The following DIAPH2 variants were observed in gnomAD, a reference collection of about 807,000 sequenced individuals.
DIAPH2 encodes the protein diaphanous related formin 2.
A neutral mutation model predicts 92.7 loss-of-function variants in DIAPH2; 35 were observed. That is an observed-to-expected ratio of 0.38 (90% CI 0.29 to 0.50). The LOEUF is 0.50. DIAPH2 is among the 20% of genes least tolerant of loss of function. DIAPH2 has a pLI of 0.94. For synonymous variants in DIAPH2, 301 were observed against 280.4 expected, an observed-to-expected ratio of 1.07 and a Z score of -0.73; for missense variants, 701 against 819.5, an observed-to-expected ratio of 0.86 and a Z score of 1.77.
At chrX:97,313,271 T>C (rs2068812571) in intron 23 of DIAPH2, among the ~76,000 whole-genome samples, 2 of 112,125 alleles carry the variant, frequency 1.8e-5, no homozygotes, top group African/African-American at 6.5e-5. Flanking sequence ...TATGCACAAT[T>C]CATTGTAGAT....
At chrX:96,837,507 A>G (rs980190095) in intron 4 of DIAPH2, among the ~76,000 whole-genome samples, 5 of 107,590 alleles carry the variant, frequency 4.6e-5, no homozygotes, top group Non-Finnish European at 7.7e-5. Context: ...GGAAATAACT[A>G]CAAGATGAGA....
chrX:97,542,438 A>G (rs2071147146), intron 26 of DIAPH2, among the ~76,000 whole-genome samples: 1 of 112,322 alleles, frequency 8.9e-6, no homozygotes, highest in Non-Finnish European at 1.9e-5. Context: ...GAACTCAAGT[A>G]TATTATGGGT....
intron 1 of DIAPH2, 65 bp from the exon 2 acceptor site, chrX:96,735,693 G>T: frequency 1.7e-6 from 1 of 597,044 alleles, no homozygotes; most frequent in Non-Finnish European, 2.7e-6. Flanking sequence ...TTATTTTATT[G>T]TTTGATCTAT....
intron 22 of DIAPH2, among the ~76,000 whole-genome samples, chrX:97,206,529 T>C (rs1216572429): frequency 9.0e-6 from 1 of 111,465 alleles, no homozygotes; most frequent in Non-Finnish European, 1.9e-5. Flanking sequence ...TGGATACTTA[T>C]GTCATAGGAT....
chrX:96,957,917 G>A lies in DIAPH2; in HGVS notation c.1704G>A (p.Ala568=), dbSNP rs757187745. 17 of 1,206,846 alleles carry A rather than the reference G, an allele frequency of 1.4e-5. No individual in the cohort carries two copies. Among genetic ancestry groups the A allele is most frequent in the South Asian group, 5.3e-5 (3 of 56,488 alleles). The change falls in exon 16 of 27, where the codon GCG becomes GCA. Residue 568 remains alanine (A), a synonymous_variant. Coordinates refer to ENST00000324765, the MANE Select transcript of DIAPH2 (RefSeq NM_006729.5). ...TAGGGCCGCCTCCACCACCACCCGC[G>A]CCACCTCTACCCGGAGGAGCTCCTC... ...PGVGPPPPPP[A]PPLPGGAPLP... is the part of the protein sequence containing the mutation.
chrX:97,106,931 CA>C (rs1002640134), intron 20 of DIAPH2, among the ~76,000 whole-genome samples: 18 of 109,545 alleles, frequency 1.6e-4, no homozygotes, highest in African/African-American at 6.0e-4. Flanking sequence ...GACTCCATCT[CA>C]AAAAAAAAGA....
intron 25 of DIAPH2, among the ~76,000 whole-genome samples, chrX:97,412,258 A>G (rs1266131259): frequency 8.9e-6 from 1 of 111,889 alleles, no homozygotes; most frequent in Non-Finnish European, 1.9e-5. Context: ...CTCACTCAAA[A>G]CCACACAACT....
chrX:96,818,812 T>C, intron 4 of DIAPH2, among the ~76,000 whole-genome samples: 1 of 112,760 alleles, frequency 8.9e-6, no homozygotes, highest in South Asian at 3.7e-4. Context: ...TATAACAATG[T>C]TGTATAGCAA....
chrX:97,529,686 A>G (rs928407557), intron 26 of DIAPH2, among the ~76,000 whole-genome samples: 6 of 112,136 alleles, frequency 5.4e-5, no homozygotes, highest in Non-Finnish European at 3.8e-5. Flanking sequence ...CACATCCTAG[A>G]GCATTCTAAA....
intron 24 of DIAPH2, among the ~76,000 whole-genome samples, chrX:97,369,722 TCAAA>T (rs1353033701): frequency 9.0e-6 from 1 of 111,473 alleles, no homozygotes; most frequent in Non-Finnish European, 1.9e-5. Context: ...CAACAAATCA[TCAAA>T]CAATCACTTT....
intron 26 of DIAPH2, among the ~76,000 whole-genome samples, chrX:97,579,147 T>C (rs1224310211): frequency 9.0e-6 from 1 of 110,654 alleles, no homozygotes; most frequent in Non-Finnish European, 1.9e-5. Flanking sequence ...TGGTAGTTTC[T>C]TTTGCTGTGC....
intron 17 of DIAPH2, among the ~76,000 whole-genome samples, chrX:96,979,103 G>A (rs770505326): frequency 3.1e-4 from 35 of 111,670 alleles, no homozygotes; most frequent in African/African-American, 7.8e-4. Flanking sequence ...GCCTAATTTC[G>A]TCATTAATAA....
At chrX:96,751,263 G>A (rs1399609771) in intron 3 of DIAPH2, among the ~76,000 whole-genome samples, 1 of 111,214 alleles carries the variant, frequency 9.0e-6, no homozygotes, top group East Asian at 2.8e-4. Context: ...AAATGGTTTA[G>A]TATTTACAAA....
intron 15 of DIAPH2, among the ~76,000 whole-genome samples, chrX:96,957,441 G>A (rs1336028583): frequency 9.0e-6 from 1 of 111,684 alleles, no homozygotes; most frequent in Non-Finnish European, 1.9e-5. Context: ...TCTTCACATC[G>A]CAGTAGCAAG....
intron 21 of DIAPH2, among the ~76,000 whole-genome samples, chrX:97,121,008 GA>G (rs2067053984): frequency 8.9e-6 from 1 of 112,003 alleles, no homozygotes; most frequent in African/African-American, 3.2e-5. Flanking sequence ...ATCTACAAAA[GA>G]CCTTAGAAAA....
intron 23 of DIAPH2, among the ~76,000 whole-genome samples, chrX:97,347,559 C>T (rs150054648): frequency 0.015 from 1,620 of 111,073 alleles, 13 homozygotes; most frequent in Non-Finnish European, 0.024. Flanking sequence ...ATTTAGCAAA[C>T]ATTTTCTAAC....
intron 22 of DIAPH2, among the ~76,000 whole-genome samples, chrX:97,170,928 G>C (rs35741256): frequency 0.37 from 39,836 of 108,529 alleles, 6,132 homozygotes; most frequent in East Asian, 0.5. Context: ...TTAAGCTGGA[G>C]TGCAGTGGTG....
intron 4 of DIAPH2, among the ~76,000 whole-genome samples, chrX:96,785,522 C>T (rs1220682183): frequency 2.8e-5 from 1 of 35,094 alleles, no homozygotes; most frequent in Non-Finnish European, 5.2e-5. Flanking sequence ...GCTCTTGTTG[C>T]CCAGGCACGA....
chrX:97,238,745 A>G (rs1432283093), intron 22 of DIAPH2, among the ~76,000 whole-genome samples: 3 of 111,753 alleles, frequency 2.7e-5, no homozygotes, highest in Admixed American at 9.6e-5. Context: ...TTCCAGGTAC[A>G]GCGTTCATGT....
Sources: gnomAD v4.1 joint callset for allele counts (sites outside exome capture counted in the v4.1 genomes callset) on GRCh38, gnomAD v4.1.1 for gene constraint, MANE v1.5 for transcripts, NCBI Gene and HGNC (gene_info 2026-07-23, HGNC 2026-07-21) for gene names.